MYO5B: variants seen among roughly 807,000 people sequenced by gnomAD.
The protein encoded by MYO5B is myosin VB.
A neutral mutation model predicts 229.3 loss-of-function variants in MYO5B; 143 were observed. The observed-to-expected ratio is 0.62, with a 90% CI of 0.54 to 0.72. The LOEUF (loss-of-function observed/expected upper bound fraction) is 0.72, where lower values mean the gene tolerates loss of function less well. MYO5B is among the 30% of genes least tolerant of loss of function. The pLI is 0.00. For synonymous variants in MYO5B, 918 were observed against 885.2 expected (o/e 1.04, Z -0.66); for missense variants, 2,321 against 2,331.0 (o/e 1.00, Z 0.09).
chr18:49,893,382 T>C (rs1787578), intron 22 of MYO5B, among the ~76,000 whole-genome samples: 92,077 of 152,066 alleles, frequency 0.61, 27,906 homozygotes, highest in Middle Eastern at 0.67. Context: ...TTTTTATTCA[T>C]GTAGAAAGGT....
chr18:50,084,526 C>T (rs1424805126), intron 1 of MYO5B, among the ~76,000 whole-genome samples: 1 of 152,170 alleles, frequency 6.6e-6, no homozygotes, highest in East Asian at 1.9e-4. Context: ...CAAACCAAAT[C>T]TATATGGCCA....
chr18:49,934,193 G>A (rs1237183929), intron 16 of MYO5B, among the ~76,000 whole-genome samples: 1 of 152,170 alleles, frequency 6.6e-6, no homozygotes, highest in Non-Finnish European at 1.5e-5. Context: ...GAATTAACAG[G>A]TAAGGAAATG....
At chr18:50,153,961 G>T (rs1454793107) in intron 1 of MYO5B, among the ~76,000 whole-genome samples, 2 of 152,140 alleles carry the variant, frequency 1.3e-5, no homozygotes, top group Non-Finnish European at 2.9e-5. Context: ...GGCTGCACAT[G>T]ATCAGGAAGA....
chr18:50,012,954 C>T (rs1229604575), intron 4 of MYO5B, among the ~76,000 whole-genome samples: 3 of 152,232 alleles, frequency 2.0e-5, no homozygotes, highest in East Asian at 1.9e-4. Context: ...ATCAACCTCA[C>T]GGCTTAGCAG....
At chr18:49,955,680 C>T (rs2025484948) in intron 12 of MYO5B, among the ~76,000 whole-genome samples, 1 of 152,164 alleles carries the variant, frequency 6.6e-6, no homozygotes, top group Non-Finnish European at 1.5e-5. Flanking sequence ...ATGCTAAACA[C>T]CATAGGAAAT....
chr18:50,021,908 T>C (rs1474034779), intron 4 of MYO5B, among the ~76,000 whole-genome samples: 1 of 152,104 alleles, frequency 6.6e-6, no homozygotes, highest in African/African-American at 2.4e-5. Context: ...AATCTCTCCT[T>C]GATTGACATC....
At chr18:50,124,697 TC>T (rs544416619) in intron 1 of MYO5B, among the ~76,000 whole-genome samples, 42 of 151,972 alleles carry the variant, frequency 2.8e-4, no homozygotes, top group African/African-American at 9.6e-4. Flanking sequence ...GTGAAATCTT[TC>T]CCCCCTGGTG....
intron 10 of MYO5B, among the ~76,000 whole-genome samples, chr18:49,966,444 A>T: frequency 6.6e-6 from 1 of 152,204 alleles, no homozygotes; most frequent in East Asian, 1.9e-4. Context: ...TCCAGCCCAG[A>T]TGATAGTCTT....
At chr18:50,127,026 A>C (rs1314837473) in intron 1 of MYO5B, among the ~76,000 whole-genome samples, 2 of 152,180 alleles carry the variant, frequency 1.3e-5, no homozygotes, top group Non-Finnish European at 2.9e-5. Context: ...TTATTCTCAT[A>C]ATCATTATTA....
chr18:50,027,731 A>G (rs142650616), intron 4 of MYO5B, among the ~76,000 whole-genome samples: 39 of 152,376 alleles, frequency 2.6e-4, no homozygotes, highest in African/African-American at 9.4e-4. Flanking sequence ...GAATCTATCC[A>G]GATTACCACT....
At chr18:50,114,153 T>C (rs79446434) in intron 1 of MYO5B, among the ~76,000 whole-genome samples, 3,652 of 152,248 alleles carry the variant, frequency 0.024, 143 homozygotes, top group African/African-American at 0.084. Flanking sequence ...GGTATTATTT[T>C]ACTGATGAGT....
chr18:50,148,635 C>CG (rs1423983031), intron 1 of MYO5B, among the ~76,000 whole-genome samples: 4 of 151,988 alleles, frequency 2.6e-5, no homozygotes, highest in African/African-American at 4.8e-5. Flanking sequence ...AATTCAACAA[C>CG]CTTCATGCTA....
intron 4 of MYO5B, among the ~76,000 whole-genome samples, chr18:50,025,180 G>T (rs1038514209): frequency 6.6e-6 from 1 of 152,134 alleles, no homozygotes; most frequent in Non-Finnish European, 1.5e-5. Context: ...TCAGAGATCT[G>T]GGAAGTTCTC....
chr18:49,849,416 C>T (rs1415200281), intron 32 of MYO5B, 151 bp downstream of exon 32: 1 of 760,066 alleles, frequency 1.3e-6, no homozygotes, highest in East Asian at 2.5e-5. Context: ...CTCATGGGAT[C>T]CAACTTCTAT....
At position 50,015,407 on chromosome 18, in the gene MYO5B, T is replaced by A. The variant is rs8097126; in HGVS notation, c.456-13996A>T. ...CAGAATTTGCTTGTTTTGCTTAAAT[T>A]TTTTCTTAAACTATTCTGGGTGTTC... On this transcript the variant is annotated intron_variant, in intron 4 of 39. Transcript: ENST00000285039. 9.2e-3 allele frequency among the ~76,000 whole-genome samples: 1,397 copies of A among 152,320 alleles called. 20 individuals carry two copies. The highest frequency in any genetic ancestry group is 0.032 in the African/African-American group (1,331 of 41,562).
In MYO5B at chr18:49,826,202, T is replaced by C; in HGVS notation, c.*269A>G. The C allele has an allele frequency of 2.2e-6, 1 of 448,776 alleles. No homozygotes were observed. The highest frequency in any genetic ancestry group is 4.1e-6 in the Non-Finnish European group (1 of 243,050). 27.8% of individuals were successfully genotyped at this position (448,776 alleles called of 1,614,324 possible). A position where few individuals can be genotyped will look rare whatever the true frequency, so the allele number is the denominator to read the frequency against. On this transcript the variant is annotated 3_prime_UTR_variant, in exon 40 of 40. Coordinates refer to ENST00000285039, the MANE Select transcript of MYO5B (RefSeq NM_001080467.3). ...ACACCTTTTATATGTCTATGGGGACTGCTTGGTGTCTATAAATTATGTATA... is the reference window on the plus strand; with the variant it reads ...ACACCTTTTATATGTCTATGGGGACCGCTTGGTGTCTATAAATTATGTATA...
intron 2 of MYO5B, among the ~76,000 whole-genome samples, chr18:50,043,619 T>A (rs1430095989): frequency 7.5e-6 from 1 of 133,840 alleles, no homozygotes. Context: ...TAAATATATA[T>A]AAATATATAA....
intron 5 of MYO5B, among the ~76,000 whole-genome samples, chr18:49,996,719 C>T (rs1199531236): frequency 6.6e-6 from 1 of 151,804 alleles, no homozygotes; most frequent in Non-Finnish European, 1.5e-5. Flanking sequence ...ACCAACCATG[C>T]CCCAGTATGG....
intron 2 of MYO5B, among the ~76,000 whole-genome samples, chr18:50,050,007 CTT>C (rs1252693178): frequency 1.3e-5 from 2 of 152,064 alleles, no homozygotes; most frequent in African/African-American, 4.8e-5. Flanking sequence ...CACTTTGACT[CTT>C]TAGACAAGAT....
Sources: allele counts gnomAD v4.1 joint callset (sites outside exome capture counted in the v4.1 genomes callset), GRCh38; gene constraint gnomAD v4.1.1; transcripts MANE v1.5; gene names NCBI Gene and HGNC (gene_info 2026-07-23, HGNC 2026-07-21).